The following BMPR2 variants were observed in gnomAD, a reference collection of about 807,000 sequenced individuals.
BMPR2 encodes bone morphogenetic protein receptor type-2.
Under a neutral mutation model 100.8 loss-of-function variants are expected in BMPR2, and 29 were observed. The observed-to-expected ratio is 0.29, with a 90% CI of 0.21 to 0.39. BMPR2 has a LOEUF of 0.39. BMPR2 is among the 10% of genes least tolerant of loss of function. The probability of loss-of-function intolerance (pLI) is 1.00; values close to 1 mark genes in which losing one functional copy is unlikely to be tolerated. For missense variants in BMPR2, 1,011 were observed against 1,274.5 expected (o/e 0.79, Z 3.15); for synonymous variants, 382 against 442.3 (o/e 0.86, Z 1.71).
rs561933091 is a variant in BMPR2, at chr2:202,467,705, A to G, written c.418+16A>G. 2.5e-6 allele frequency: 4 copies of G among 1,598,032 alleles called. No homozygotes were observed. In the African/African-American group the frequency reaches 4.0e-5, roughly 16 times the overall value. On this transcript the variant is annotated intron_variant, in intron 3 of 12. Coordinates refer to ENST00000374580, the MANE Select transcript of BMPR2 (RefSeq NM_001204.7). ...ACACCACTCAGTAAGTAAAGTAACCAACTTTTCTTTGTATTTCCTTTCTCC... is the reference window on the plus strand; with the variant it reads ...ACACCACTCAGTAAGTAAAGTAACCGACTTTTCTTTGTATTTCCTTTCTCC...
chr2:202,453,828 T>G (rs1198136529), intron 1 of BMPR2, among the ~76,000 whole-genome samples: 1 of 152,192 alleles, frequency 6.6e-6, no homozygotes, highest in African/African-American at 2.4e-5. Context: ...ATAATTGGAT[T>G]GTTTGTAATA....
chr2:202,469,322 T>C (rs1692389126), intron 3 of BMPR2, among the ~76,000 whole-genome samples: 1 of 151,560 alleles, frequency 6.6e-6, no homozygotes, highest in African/African-American at 2.4e-5. Flanking sequence ...GCCACCGTAC[T>C]CGGCCTGAGT....
intron 10 of BMPR2, among the ~76,000 whole-genome samples, chr2:202,548,523 T>C (rs557171582): frequency 1.3e-5 from 2 of 152,282 alleles, no homozygotes; most frequent in South Asian, 4.1e-4. Flanking sequence ...TACCACCTAC[T>C]CTATGTCCTA....
intron 1 of BMPR2, among the ~76,000 whole-genome samples, chr2:202,424,737 A>G (rs1359194326): frequency 6.6e-6 from 1 of 152,076 alleles, no homozygotes; most frequent in African/African-American, 2.4e-5. Context: ...AAGGAATATG[A>G]GAATTAAGAG....
chr2:202,498,757 A>G (rs1057197950), intron 3 of BMPR2, among the ~76,000 whole-genome samples: 1 of 152,232 alleles, frequency 6.6e-6, no homozygotes, highest in African/African-American at 2.4e-5. Flanking sequence ...CTTGGCCCCA[A>G]TATTCTCTTT....
intron 1 of BMPR2, among the ~76,000 whole-genome samples, chr2:202,378,230 T>C (rs1329208061): frequency 6.6e-6 from 1 of 152,238 alleles, no homozygotes; most frequent in African/African-American, 2.4e-5. Context: ...GAAAGTTCTT[T>C]GACATTTCAC....
chr2:202,383,038 C>T (rs183235240), intron 1 of BMPR2, among the ~76,000 whole-genome samples: 34 of 152,318 alleles, frequency 2.2e-4, no homozygotes, highest in African/African-American at 7.9e-4. Context: ...GTAATTACTA[C>T]TTAATCTATA....
chr2:202,420,738 G>A (rs1281296272), intron 1 of BMPR2, among the ~76,000 whole-genome samples: 1 of 150,850 alleles, frequency 6.6e-6, no homozygotes, highest in African/African-American at 2.4e-5. Flanking sequence ...GTAGAGATGG[G>A]GTTTCACCAT....
At chr2:202,498,519 G>T (rs1201101240) in intron 3 of BMPR2, among the ~76,000 whole-genome samples, 1 of 150,898 alleles carries the variant, frequency 6.6e-6, no homozygotes, top group Non-Finnish European at 1.5e-5. Flanking sequence ...TGTTTCTGCT[G>T]CTGCGTCGGT....
At chr2:202,387,651 A>G (rs1690456793) in intron 1 of BMPR2, among the ~76,000 whole-genome samples, 2 of 152,218 alleles carry the variant, frequency 1.3e-5, no homozygotes, top group Non-Finnish European at 2.9e-5. Context: ...TTTTATGTGT[A>G]GCATTCAAAT....
chr2:202,499,934 T>C (rs1687343579), intron 3 of BMPR2, among the ~76,000 whole-genome samples: 1 of 152,090 alleles, frequency 6.6e-6, no homozygotes, highest in African/African-American at 2.4e-5. Flanking sequence ...ATCAGTATGG[T>C]TTACTAGGAC....
intron 3 of BMPR2, among the ~76,000 whole-genome samples, chr2:202,501,746 C>A (rs1311535143): frequency 6.6e-6 from 1 of 152,196 alleles, no homozygotes; most frequent in Non-Finnish European, 1.5e-5. Context: ...AGACAGCCAC[C>A]TACTTAGATA....
At position 202,481,193 on chromosome 2, in the gene BMPR2, C is replaced by G. The variant is rs190515979; in HGVS notation, c.418+13504C>G. On this transcript the variant is annotated intron_variant, in intron 3 of 12. Coordinates refer to ENST00000374580, the MANE Select transcript of BMPR2 (RefSeq NM_001204.7). ...TTTCTCTTCTCTTCTCTTCTCTTCT[C>G]TTGAGATGGAGTTTCACTCTTGTTG... 5.9e-4 allele frequency among the ~76,000 whole-genome samples: 90 copies of G among 151,802 alleles called. No homozygotes were observed. In the East Asian group the frequency reaches 0.013, roughly 23 times the overall value.
chr2:202,391,415 C>T (rs143590512), intron 1 of BMPR2, among the ~76,000 whole-genome samples: 2 of 150,858 alleles, frequency 1.3e-5, no homozygotes, highest in Non-Finnish European at 3.0e-5. Flanking sequence ...AAGTGATCCT[C>T]CCACCTCAGC....
At chr2:202,460,421 A>C (rs984073924) in intron 1 of BMPR2, among the ~76,000 whole-genome samples, 1 of 152,248 alleles carries the variant, frequency 6.6e-6, no homozygotes, top group Admixed American at 6.5e-5. Context: ...ACATTAGAAT[A>C]TCCATGCTAT....
Position 202,559,696 on chromosome 2 carries a change from T to G in BMPR2, c.2867T>G (p.Ile956Arg). The G allele has an allele frequency of 6.2e-7, 1 of 1,614,044 alleles. No homozygotes were observed. Among genetic ancestry groups the G allele is most frequent in the East Asian group, 2.2e-5 (1 of 44,880 alleles). The change falls in exon 13 of 13, where the codon ATA becomes AGA. Residue 956 changes from isoleucine to arginine, a missense_variant and splice_region_variant. Physicochemically the swap from Ile to Arg is moderately conservative, Grantham distance 97. This residue lies in a region of BMPR2 where 508 missense variants were observed against 552.0 expected (regional missense o/e 0.92). Coordinates refer to ENST00000374580, the MANE Select transcript of BMPR2 (RefSeq NM_001204.7). ...TNVLDGSSIQ[I>R]GESTQDGKSG... ...CATTTTTCTGCACTTTTATTTTCAGTAGGTGAGTCAACACAAGATGGCAAA... is the reference window on the plus strand; with the variant it reads ...CATTTTTCTGCACTTTTATTTTCAGGAGGTGAGTCAACACAAGATGGCAAA...
intron 1 of BMPR2, among the ~76,000 whole-genome samples, chr2:202,440,410 G>A (rs1386410126): frequency 1.3e-5 from 2 of 149,788 alleles, no homozygotes; most frequent in Non-Finnish European, 2.9e-5. Flanking sequence ...CAGACGATGG[G>A]CAGCCGGGCA....
chr2:202,501,032 G>A (rs1183008367), intron 3 of BMPR2, among the ~76,000 whole-genome samples: 4 of 152,196 alleles, frequency 2.6e-5, no homozygotes, highest in African/African-American at 9.7e-5. Flanking sequence ...TCTTCAATAT[G>A]TGGATGATTT....
At chr2:202,401,372 G>A (rs1690766192) in intron 1 of BMPR2, among the ~76,000 whole-genome samples, 1 of 152,094 alleles carries the variant, frequency 6.6e-6, no homozygotes, top group South Asian at 2.1e-4. Context: ...TTCTGGTAGT[G>A]GATACAGACA....
Sources: allele counts gnomAD v4.1 joint callset (sites outside exome capture counted in the v4.1 genomes callset), GRCh38; gene constraint gnomAD v4.1.1; regional missense constraint gnomAD v4.1.1; transcripts MANE v1.5; gene names NCBI Gene and HGNC (gene_info 2026-07-23, HGNC 2026-07-21).